SIAH3: variants seen among roughly 807,000 people sequenced by gnomAD.
The protein encoded by SIAH3 is seven in absentia homolog 3.
In SIAH3, 9 loss-of-function variants were observed where a neutral mutation model predicts 12.6. The ratio of observed to expected loss-of-function variants is 0.72; its 90% CI spans 0.43 to 1.25. SIAH3 has a LOEUF of 1.25. SIAH3 is among the 50% of genes most tolerant of loss of function. SIAH3 has a pLI of 0.00. For missense variants in SIAH3, 390 were observed against 365.4 expected (o/e 1.07, Z -0.55); for synonymous variants, 154 against 151.1 (o/e 1.02, Z -0.14).
intron 1 of SIAH3, among the ~76,000 whole-genome samples, chr13:45,830,391 C>G (rs909059990): frequency 2.6e-5 from 4 of 152,224 alleles, no homozygotes; most frequent in African/African-American, 7.2e-5. Flanking sequence ...CAGAGAGAGA[C>G]CTAGAAAGGG....
intron 1 of SIAH3, among the ~76,000 whole-genome samples, chr13:45,842,819 A>C (rs1950744923): frequency 6.6e-6 from 1 of 152,022 alleles, no homozygotes; most frequent in South Asian, 2.1e-4. Context: ...CTTTCCCAAC[A>C]CCACTTTCCC....
intron 1 of SIAH3, among the ~76,000 whole-genome samples, chr13:45,822,728 G>A (rs1950660698): frequency 6.6e-6 from 1 of 151,838 alleles, no homozygotes; most frequent in Non-Finnish European, 1.5e-5. Context: ...CAGCCTGGAT[G>A]ACAAATGTTT....
At position 45,780,950 on chromosome 13, in the gene SIAH3, G is replaced by T. The variant is rs1221213981; in HGVS notation, c.*2433C>A. On this transcript the variant is annotated 3_prime_UTR_variant, in exon 2 of 2. Transcript: ENST00000400405. ...CATTTCCTATTCCCAATTCTTGGTT[G>T]TTAGTTTGCTCCTTCTTCTCCAGTT... 6.6e-6 allele frequency: 1 copy of T among 152,270 alleles called. No individual in the cohort carries two copies. The highest frequency in any genetic ancestry group is 2.4e-5 in the African/African-American group (1 of 41,460). The allele number at this position is 152,270 out of a possible 1,614,324, so 9.4% of individuals were successfully genotyped here.
chr13:45,791,762 T>C (rs149925209), intron 1 of SIAH3, among the ~76,000 whole-genome samples: 10 of 152,326 alleles, frequency 6.6e-5, no homozygotes, highest in African/African-American at 2.4e-4. Flanking sequence ...CATTCTCTTT[T>C]TCAGTAATGA....
In SIAH3 at chr13:45,851,610, C is replaced by T; in HGVS notation, c.20G>A (p.Cys7Tyr). MLFFTQ[C>Y]FGAVLDLIHL... Reference sequence around the variant, plus strand: ...AATGAGATCTAATACAGCCCCAAAGCACTGGGTAAAGAAAAGCATCACAAC... The same window carrying T: ...AATGAGATCTAATACAGCCCCAAAGTACTGGGTAAAGAAAAGCATCACAAC... Residue 7 changes from cysteine to tyrosine, a missense_variant, in exon 1 of 2, where the codon TGC (cysteine) becomes TAC (tyrosine). Physicochemically the swap from Cys to Tyr is radical, Grantham distance 194 (BLOSUM62 -2). Coordinates refer to ENST00000400405, the MANE Select transcript of SIAH3 (RefSeq NM_198849.3). The T allele has an allele frequency of 6.2e-7, 1 of 1,614,202 alleles. No homozygotes were observed. Among genetic ancestry groups the T allele is most frequent in the East Asian group, 2.2e-5 (1 of 44,876 alleles).
chr13:45,808,075 G>A (rs969129153), intron 1 of SIAH3, among the ~76,000 whole-genome samples: 8 of 152,008 alleles, frequency 5.3e-5, no homozygotes, highest in East Asian at 1.9e-4. Context: ...CTTCATGTGC[G>A]GTGATGTTGT....
At chr13:45,842,463 C>T (rs1950743476) in intron 1 of SIAH3, among the ~76,000 whole-genome samples, 1 of 152,158 alleles carries the variant, frequency 6.6e-6, no homozygotes, top group African/African-American at 2.4e-5. Context: ...CCCACCTCAG[C>T]CCCTCCACCC....
chr13:45,799,452 A>C (rs1177371597), intron 1 of SIAH3, among the ~76,000 whole-genome samples: 1 of 152,212 alleles, frequency 6.6e-6, no homozygotes, highest in African/African-American at 2.4e-5. Flanking sequence ...GCATGCTTGA[A>C]ATACGGAATG....
chr13:45,836,454 C>T (rs183848159), intron 1 of SIAH3, among the ~76,000 whole-genome samples: 1 of 152,156 alleles, frequency 6.6e-6, no homozygotes, highest in Non-Finnish European at 1.5e-5. Context: ...GGAACAAGAT[C>T]GTGTCCTTTG....
In SIAH3 at chr13:45,787,757, C is replaced by T. The variant is rs554038126; in HGVS notation, c.136-3700G>A. 1.4e-4 allele frequency among the ~76,000 whole-genome samples: 21 copies of T among 152,280 alleles called. No individual in the cohort carries two copies. In the East Asian group the frequency reaches 1.9e-3, roughly 14 times the overall value. On this transcript the variant is annotated intron_variant, in intron 1 of 1. Coordinates refer to ENST00000400405, the MANE Select transcript of SIAH3 (RefSeq NM_198849.3). ...AGGCTCTGAGATGGCACCCAGTGCA[C>T]GGTGGATATTAGCAGGAATATCCAA... is the stretch of plus-strand genomic sequence containing the variant.
At chr13:45,812,941 C>T (rs1254262363) in intron 1 of SIAH3, among the ~76,000 whole-genome samples, 1 of 152,242 alleles carries the variant, frequency 6.6e-6, no homozygotes, top group Non-Finnish European at 1.5e-5. Context: ...AAATGTGAGG[C>T]CGTGTCTTCC....
At chr13:45,843,138 G>T (rs148768123) in intron 1 of SIAH3, among the ~76,000 whole-genome samples, 1 of 151,542 alleles carries the variant, frequency 6.6e-6, no homozygotes, top group Non-Finnish European at 1.5e-5. Flanking sequence ...ATGACAGTGG[G>T]ATCTAGGAGT....
intron 1 of SIAH3, among the ~76,000 whole-genome samples, chr13:45,784,398 G>GTGTTTT (rs1950518901): frequency 1.5e-5 from 1 of 65,802 alleles, no homozygotes; most frequent in African/African-American, 6.5e-5. Context: ...AAAGACAGCT[G>GTGTTTT]TTTTTTTTTT....
At chr13:45,798,131 T>G (rs1288128179) in intron 1 of SIAH3, among the ~76,000 whole-genome samples, 1 of 152,278 alleles carries the variant, frequency 6.6e-6, no homozygotes, top group East Asian at 1.9e-4. Context: ...AGAGCTTCGC[T>G]TTAATTAATA....
intron 1 of SIAH3, among the ~76,000 whole-genome samples, chr13:45,836,966 T>C (rs1255673706): frequency 6.6e-6 from 1 of 152,172 alleles, no homozygotes; most frequent in African/African-American, 2.4e-5. Flanking sequence ...GCATTTGTCA[T>C]CTTTATTTTA....
chr13:45,825,150 C>T lies in SIAH3; in HGVS notation c.135+26345G>A, dbSNP rs1260381716. ...GAAATAAATAAGAAATATAATTGCA[C>T]CTCACACTTCAGGACTCCCTAGGCA... On this transcript the variant is annotated intron_variant, in intron 1 of 1. Coordinates refer to ENST00000400405, the MANE Select transcript of SIAH3 (RefSeq NM_198849.3). 2.6e-5 allele frequency among the ~76,000 whole-genome samples: 4 copies of T among 152,124 alleles called. No individual in the cohort carries two copies. The East Asian group carries it at 7.7e-4, about 29-fold the overall frequency.
At chr13:45,847,540 G>A (rs950127046) in intron 1 of SIAH3, among the ~76,000 whole-genome samples, 2 of 152,038 alleles carry the variant, frequency 1.3e-5, no homozygotes, top group African/African-American at 4.8e-5. Context: ...AAATGGTACT[G>A]AAGTGCCCCA....
chr13:45,797,191 G>A (rs189563880), intron 1 of SIAH3, among the ~76,000 whole-genome samples: 4 of 149,232 alleles, frequency 2.7e-5, no homozygotes, highest in Non-Finnish European at 4.4e-5. Context: ...ACATTTCAAC[G>A]TTGGTCCTAT....
chr13:45,829,829 G>A (rs1950692008), intron 1 of SIAH3, among the ~76,000 whole-genome samples: 1 of 151,934 alleles, frequency 6.6e-6, no homozygotes, highest in Non-Finnish European at 1.5e-5. Flanking sequence ...TCCTATTTAG[G>A]GCAGCAATTA....
Sources: allele counts gnomAD v4.1 joint callset (sites outside exome capture counted in the v4.1 genomes callset), GRCh38; gene constraint gnomAD v4.1.1; transcripts MANE v1.5; gene names NCBI Gene and HGNC (gene_info 2026-07-23, HGNC 2026-07-21).